RPL37A: variants seen among roughly 807,000 people sequenced by gnomAD.
RPL37A encodes the protein ribosomal protein L37a, also known as large ribosomal subunit protein eL43.
Under a neutral mutation model 13.6 loss-of-function variants are expected in RPL37A, and 5 were observed. That is an observed-to-expected ratio of 0.37 (90% confidence interval 0.19 to 0.78). The LOEUF (loss-of-function observed/expected upper bound fraction) is 0.78. Ranked by LOEUF, RPL37A falls within the 30% of genes least tolerant of loss-of-function variation. The pLI, the probability that RPL37A is intolerant of heterozygous loss-of-function variation, is 0.49. For synonymous variants in RPL37A, 50 were observed against 44.4 expected (o/e 1.13, Z -0.50); for missense variants, 77 against 120.0 (o/e 0.64, Z 1.67).
rs371680956 is a variant in RPL37A at position 216,503,742 on chromosome 2, G to A, written c.*2338G>A. The A allele has an allele frequency of 9.9e-5, 15 of 152,158 alleles. No homozygotes were observed. The highest frequency in any genetic ancestry group is 7.7e-4 in the East Asian group (4 of 5,194). 9.4% of individuals were successfully genotyped at this position (152,158 alleles called of 1,614,324 possible). Reference sequence around the variant, plus strand: ...ACAGTTAAAAGAGGAAAGGGCGGGGGACAGTTTACAGACCAGTGAAAGTGC... The same window carrying A: ...ACAGTTAAAAGAGGAAAGGGCGGGGAACAGTTTACAGACCAGTGAAAGTGC... On this transcript the variant is annotated 3_prime_UTR_variant, in exon 4 of 4. Transcript: ENST00000491306.
chr2:216,498,927 C>T (rs371475637), intron 1 of RPL37A, 50 bp downstream of exon 1: 4 of 1,612,644 alleles, frequency 2.5e-6, no homozygotes, highest in Non-Finnish European at 3.4e-6. Context: ...CTGCATCTGT[C>T]CTTGTTTTCT....
intron 1 of RPL37A, 156 bp from the exon 2 acceptor site, chr2:216,499,114 G>A: frequency 8.3e-7 from 1 of 1,202,596 alleles, no homozygotes; most frequent in Non-Finnish European, 1.2e-6. Flanking sequence ...GCCAGCCCTG[G>A]GCACTGGTTT....
intron 1 of RPL37A, 67 bp downstream of exon 1, chr2:216,498,944 GC>G: frequency 6.3e-7 from 1 of 1,594,574 alleles, no homozygotes; most frequent in African/African-American, 1.3e-5. Flanking sequence ...TTCTTCTCCC[GC>G]ACCCATCTCC....
At chr2:216,500,806 T>C (rs1323542639) in intron 3 of RPL37A, 1 of 152,310 alleles carries the variant, frequency 6.6e-6, no homozygotes, top group East Asian at 1.9e-4. Flanking sequence ...GGTAAAACTT[T>C]TGTAGTCATT....
intron 1 of RPL37A, 82 bp from the exon 2 acceptor site, chr2:216,499,188 A>G: frequency 6.8e-7 from 1 of 1,473,148 alleles, no homozygotes; most frequent in South Asian, 1.3e-5. Flanking sequence ...CACGTCAGTG[A>G]GGTGGAGGAA....
In RPL37A at chr2:216,499,647, AGCCAAACCT is replaced by A; in HGVS notation, c.132+252_132+260del. On this transcript the variant is annotated intron_variant, in intron 2 of 3. Transcript: ENST00000491306. ...CATTTGACAGAGTGCCCCCAGCCTAAGCCAAACCTGCTTTGTGGGAAATGATTCCATCAG... is the reference window on the plus strand; with the variant it reads ...CATTTGACAGAGTGCCCCCAGCCTAAGCTTTGTGGGAAATGATTCCATCAG... 3 of 630,296 alleles carry A rather than the reference AGCCAAACCT, an allele frequency of 4.8e-6. No individual in the cohort carries two copies. In the East Asian group the frequency reaches 8.4e-5, roughly 18 times the overall value. 39.0% of individuals were successfully genotyped at this position (630,296 alleles called of 1,614,324 possible).
At position 216,501,414 on chromosome 2, in the gene RPL37A, T is replaced by C. The variant is rs569360685; in HGVS notation, c.*10T>C. Reference sequence around the variant, plus strand: ...GTTGAAAGACCAGTAGACGCTCCTCTACTCTTTGAGACATCACTGGCCTAT... The same window carrying C: ...GTTGAAAGACCAGTAGACGCTCCTCCACTCTTTGAGACATCACTGGCCTAT... On this transcript the variant is annotated 3_prime_UTR_variant, in exon 4 of 4. Transcript: ENST00000491306. The C allele has an allele frequency of 3.1e-6, 5 of 1,602,028 alleles. No homozygotes were observed. In the African/African-American group the frequency reaches 4.0e-5, roughly 13 times the overall value.
chr2:216,501,229 T>G, intron 3 of RPL37A, 112 bp from the exon 4 acceptor site: 1 of 766,490 alleles, frequency 1.3e-6, no homozygotes. Flanking sequence ...TATAATTCTT[T>G]CTAGGAAAAT....
chr2:216,501,137 A>G, intron 3 of RPL37A: 1 of 470,272 alleles, frequency 2.1e-6, no homozygotes, highest in Non-Finnish European at 3.8e-6. Context: ...TTTAGAAGCC[A>G]CTAATTTCCG....
rs188818789 is a variant in RPL37A, at chr2:216,499,108, G to T, written c.4-162G>T. ...GCCGGGCCTTCGGAGCGCGCGGCCA[G>T]CCCTGGGCACTGGTTTCGTTGGGTT... is the stretch of plus-strand genomic sequence containing the variant. On this transcript the variant is annotated intron_variant, in intron 1 of 3. Coordinates refer to ENST00000491306, the MANE Select transcript of RPL37A (RefSeq NM_000998.5). 3 of 1,192,108 alleles carry T rather than the reference G, an allele frequency of 2.5e-6. No homozygotes were observed. The African/African-American group carries it at 4.6e-5, about 18-fold the overall frequency. The allele number at this position is 1,192,108 out of a possible 1,614,324, so 73.8% of individuals were successfully genotyped here.
chr2:216,498,860 C>A lies in RPL37A; in HGVS notation c.-15C>A. 1 of 1,614,170 alleles carries A rather than the reference C, an allele frequency of 6.2e-7. No individual in the cohort carries two copies. The highest frequency in any genetic ancestry group is 1.1e-5 in the South Asian group (1 of 91,084). On this transcript the variant is annotated 5_prime_UTR_variant, in exon 1 of 4. Transcript: ENST00000491306. ...CGTCTCTTCCTTTCTGGGCTCGGAC[C>A]TAGGTCGCGGCGACATGGTGAGTGT...
Position 216,502,493 on chromosome 2 carries a change from A to G in RPL37A, c.*1089A>G, listed in dbSNP as rs1243996756. The G allele has an allele frequency of 6.6e-6, 1 of 152,236 alleles. No individual in the cohort carries two copies. The highest frequency in any genetic ancestry group is 2.4e-5 in the African/African-American group (1 of 41,466). The allele number at this position is 152,236 out of a possible 1,614,324, so 9.4% of individuals were successfully genotyped here. ...ATTCTCCAGTTTTTAGTTTGCACGT[A>G]AGGATTCGTAGGATTGATTTCAGAT... On this transcript the variant is annotated 3_prime_UTR_variant, in exon 4 of 4. Transcript: ENST00000491306.
Position 216,499,271 on chromosome 2 carries a change from C to A in RPL37A, c.5C>A (p.Ala2Asp). The change falls in exon 2 of 4, where the codon GCC (alanine) becomes GAC (aspartate). Residue 2 changes from alanine (A) to aspartate (D), a missense_variant and splice_region_variant. Ala to Asp is a moderately radical substitution (Grantham distance 126). Transcript: ENST00000491306. ...GGTTTCTCCCTTCACTCTAAACAGG[C>A]CAAACGTACCAAGAAAGTCGGGATC... M[A>D]KRTKKVGIVG... 1 of 1,612,034 alleles carries A rather than the reference C, an allele frequency of 6.2e-7. No homozygotes were observed. The highest frequency in any genetic ancestry group is 8.5e-7 in the Non-Finnish European group (1 of 1,179,552).
intron 2 of RPL37A, chr2:216,499,603 C>G (rs781569883): frequency 3.0e-6 from 2 of 669,656 alleles, no homozygotes; most frequent in Non-Finnish European, 5.0e-6. Context: ...ACCGCTTAAA[C>G]GTTAATGGGT....
At position 216,502,887 on chromosome 2, in the gene RPL37A, A is replaced by T. The variant is rs549593038; in HGVS notation, c.*1483A>T. On this transcript the variant is annotated 3_prime_UTR_variant, in exon 4 of 4. Coordinates refer to ENST00000491306, the MANE Select transcript of RPL37A (RefSeq NM_000998.5). ...CTCCTGCATTGCCTCTGGCAGAAAC[A>T]TCGCTACCCCAGGAGAATACTTCAC... 1 of 152,186 alleles carries T rather than the reference A, an allele frequency of 6.6e-6. No individual in the cohort carries two copies. The highest frequency in any genetic ancestry group is 1.5e-5 in the Non-Finnish European group (1 of 68,032). The allele number at this position is 152,186 out of a possible 1,614,324, so 9.4% of individuals were successfully genotyped here. A position where few individuals can be genotyped will look rare whatever the true frequency, so the allele number is the denominator to read the frequency against.
chr2:216,502,695 G>A lies in RPL37A; in HGVS notation c.*1291G>A, dbSNP rs543744672. On this transcript the variant is annotated 3_prime_UTR_variant, in exon 4 of 4. Coordinates refer to ENST00000491306, the MANE Select transcript of RPL37A (RefSeq NM_000998.5). ...TGGTATGTCTTTTATCTATCCCAGA[G>A]TCAGTAGTCCTTTAAGGATGCAAAT... 18 of 152,308 alleles carry A rather than the reference G, an allele frequency of 1.2e-4. No homozygotes were observed. Among genetic ancestry groups the A allele is most frequent in the African/African-American group, 4.3e-4 (18 of 41,568 alleles). The allele number at this position is 152,308 out of a possible 1,614,324, so 9.4% of individuals were successfully genotyped here. A position where few individuals can be genotyped will look rare whatever the true frequency, so the allele number is the denominator to read the frequency against.
chr2:216,500,337 C>T (rs75399185), intron 3 of RPL37A: 13,642 of 383,078 alleles, frequency 0.036, 579 homozygotes, highest in East Asian at 0.17. Context: ...ATCTACTGAA[C>T]GTTGATTTGC....
In RPL37A at chr2:216,503,096, C is replaced by T. The variant is rs189107226; in HGVS notation, c.*1692C>T. The T allele has an allele frequency of 6.6e-6, 1 of 152,284 alleles. No homozygotes were observed. Among genetic ancestry groups the T allele is most frequent in the Admixed American group, 6.5e-5 (1 of 15,288 alleles). The allele number at this position is 152,284 out of a possible 1,614,324, so 9.4% of individuals were successfully genotyped here. On this transcript the variant is annotated 3_prime_UTR_variant, in exon 4 of 4. Transcript: ENST00000491306. ...GAATGACACAGCTCTCCAGGTGAAT[C>T]TCCTGGAGAATTCTCCATAGGATCT...
chr2:216,501,140 A>G (rs1388910258), intron 3 of RPL37A: 10 of 472,784 alleles, frequency 2.1e-5, no homozygotes, highest in African/African-American at 9.9e-5. Context: ...AGAAGCCACT[A>G]ATTTCCGAGG....
Sources: gnomAD v4.1 joint callset for allele counts on GRCh38, gnomAD v4.1.1 for gene constraint, MANE v1.5 for transcripts, NCBI Gene and HGNC (gene_info 2026-07-23, HGNC 2026-07-21) for gene names.